The following SCHIP1 variants were observed in gnomAD, a reference collection of about 807,000 sequenced individuals.
SCHIP1 encodes schwannomin interacting protein 1.
SCHIP1 carries 8 observed loss-of-function variants against 29.7 expected under a neutral mutation model. That is an observed-to-expected ratio of 0.27 (90% CI 0.16 to 0.49). The LOEUF (loss-of-function observed/expected upper bound fraction) is 0.49, where lower values mean the gene tolerates loss of function less well. SCHIP1 is among the 20% of genes least tolerant of loss of function. The pLI, the probability that SCHIP1 is intolerant of heterozygous loss-of-function variation, is 0.99. For missense variants in SCHIP1, 193 were observed against 294.6 expected, an observed-to-expected ratio of 0.66 and a Z score of 2.52; for synonymous variants, 76 against 94.9, an observed-to-expected ratio of 0.80 and a Z score of 1.16.
At chr3:159,507,894 T>G in the SCHIP1 span, among the ~76,000 whole-genome samples, 1 of 152,234 alleles carries the variant, frequency 6.6e-6, no homozygotes, top group Non-Finnish European at 1.5e-5. Context: ...GATTTTTGCA[T>G]CGATATTCAT....
At chr3:159,480,331 A>C in the SCHIP1 span, among the ~76,000 whole-genome samples, 1 of 152,130 alleles carries the variant, frequency 6.6e-6, no homozygotes, top group Non-Finnish European at 1.5e-5. Flanking sequence ...CCTCCCTCAG[A>C]AGATGCCATC....
chr3:159,532,013 G>T, the SCHIP1 span, among the ~76,000 whole-genome samples: 1 of 152,198 alleles, frequency 6.6e-6, no homozygotes, highest in South Asian at 2.1e-4. Context: ...CAAAACAGAA[G>T]TATTGTTTTT....
At chr3:159,509,630 ACTT>A in the SCHIP1 span, among the ~76,000 whole-genome samples, 1 of 152,136 alleles carries the variant, frequency 6.6e-6, no homozygotes, top group South Asian at 2.1e-4. Context: ...CACGTTTAGT[ACTT>A]CCTTCAGGAG....
chr3:159,407,431 T>C, the SCHIP1 span, among the ~76,000 whole-genome samples: 3 of 152,130 alleles, frequency 2.0e-5, no homozygotes, highest in Admixed American at 6.5e-5. Flanking sequence ...CCCCAGTACA[T>C]TAACTGAGGA....
the SCHIP1 span, among the ~76,000 whole-genome samples, chr3:159,760,288 G>A: frequency 2.6e-5 from 4 of 152,166 alleles, no homozygotes; most frequent in African/African-American, 9.7e-5. Context: ...CATAAATACT[G>A]CCCAAGGAGC....
At chr3:159,672,651 G>A in the SCHIP1 span, among the ~76,000 whole-genome samples, 1 of 152,062 alleles carries the variant, frequency 6.6e-6, no homozygotes, top group Non-Finnish European at 1.5e-5. Context: ...CAATGCACAG[G>A]ACAGCCCCTC....
At chr3:159,637,067 C>A in the SCHIP1 span, among the ~76,000 whole-genome samples, 1 of 152,254 alleles carries the variant, frequency 6.6e-6, no homozygotes, top group African/African-American at 2.4e-5. Context: ...AAGCAACTGA[C>A]TGGTTTATTT....
chr3:159,450,361 T>C, the SCHIP1 span, among the ~76,000 whole-genome samples: 1 of 152,196 alleles, frequency 6.6e-6, no homozygotes, highest in Admixed American at 6.5e-5. Context: ...AGAATGCCTT[T>C]GGAATTGCGT....
the SCHIP1 span, among the ~76,000 whole-genome samples, chr3:159,334,419 T>C: frequency 6.6e-6 from 1 of 152,184 alleles, no homozygotes; most frequent in East Asian, 1.9e-4. Context: ...AGAAACAAAC[T>C]GGTGATTTTT....
chr3:159,398,106 C>A, the SCHIP1 span, among the ~76,000 whole-genome samples: 2 of 152,296 alleles, frequency 1.3e-5, no homozygotes, highest in East Asian at 1.9e-4. Flanking sequence ...CATCTGTCAC[C>A]CCTTTCTTTG....
At chr3:159,857,351 C>T (rs1463885527) in intron 1 of SCHIP1, among the ~76,000 whole-genome samples, 1 of 152,142 alleles carries the variant, frequency 6.6e-6, no homozygotes, top group East Asian at 1.9e-4. Flanking sequence ...CTACAGCACT[C>T]TCTACTTGGT....
chr3:159,746,844 T>A, the SCHIP1 span, among the ~76,000 whole-genome samples: 2 of 152,220 alleles, frequency 1.3e-5, no homozygotes, highest in African/African-American at 4.8e-5. Context: ...TCCTTCTGTC[T>A]TTCAGCCTTT....
chr3:159,788,511 A>G, the SCHIP1 span, among the ~76,000 whole-genome samples: 1 of 152,066 alleles, frequency 6.6e-6, no homozygotes, highest in Non-Finnish European at 1.5e-5. Flanking sequence ...TCATCTACAC[A>G]CTCTAGAAGA....
intron 6 of SCHIP1, 111 bp downstream of exon 7, chr3:159,892,301 C>A: frequency 8.1e-7 from 1 of 1,236,100 alleles, no homozygotes; most frequent in Non-Finnish European, 1.2e-6. Flanking sequence ...CCATAAATAA[C>A]TCACCTAGCC....
At chr3:159,464,964 C>T in the SCHIP1 span, among the ~76,000 whole-genome samples, 3 of 152,128 alleles carry the variant, frequency 2.0e-5, no homozygotes, top group East Asian at 1.9e-4. Flanking sequence ...ATCTCGTTCT[C>T]ATGTCAGAAA....
At chr3:159,825,893 T>C in the SCHIP1 span, among the ~76,000 whole-genome samples, 1 of 152,044 alleles carries the variant, frequency 6.6e-6, no homozygotes, top group Non-Finnish European at 1.5e-5. Flanking sequence ...GGCTTACAGG[T>C]TGAGAAACAG....
the SCHIP1 span, among the ~76,000 whole-genome samples, chr3:159,370,783 CAGAAT>C: frequency 6.6e-6 from 1 of 152,140 alleles, no homozygotes; most frequent in African/African-American, 2.4e-5. Flanking sequence ...CCCTGGACTC[CAGAAT>C]TACATCAGTG....
chr3:159,494,113 G>A, the SCHIP1 span, among the ~76,000 whole-genome samples: 1 of 152,120 alleles, frequency 6.6e-6, no homozygotes, highest in Non-Finnish European at 1.5e-5. Context: ...GTGTGTAGAG[G>A]GAAATTTATA....
chr3:159,397,113 T>G, the SCHIP1 span, among the ~76,000 whole-genome samples: 2 of 151,660 alleles, frequency 1.3e-5, no homozygotes, highest in Non-Finnish European at 2.9e-5. Context: ...TTGATCGCAT[T>G]GGCTCCTGAG....
Sources: gnomAD v4.1 joint callset for allele counts (sites outside exome capture counted in the v4.1 genomes callset) on GRCh38, gnomAD v4.1.1 for gene constraint, MANE v1.5 for transcripts, NCBI Gene and HGNC (gene_info 2026-07-23, HGNC 2026-07-21) for gene names.